The following DNAI4 variants were observed in gnomAD, a reference collection of about 807,000 sequenced individuals.
DNAI4 encodes dynein axonemal intermediate chain 4, also known as WD repeat domain 78.
A neutral mutation model predicts 105.8 loss-of-function variants in DNAI4; 85 were observed. The ratio of observed to expected loss-of-function variants is 0.80; its 90% CI spans 0.67 to 0.96. The LOEUF (loss-of-function observed/expected upper bound fraction) is 0.96, where lower values mean the gene tolerates loss of function less well. Ranked by LOEUF, DNAI4 falls within the 40% of genes least tolerant of loss-of-function variation. The probability of loss-of-function intolerance (pLI) is 0.00; values close to 1 mark genes in which losing one functional copy is unlikely to be tolerated. For missense variants in DNAI4, 1,014 were observed against 1,005.6 expected (o/e 1.01, Z -0.11); for synonymous variants, 352 against 331.5 (o/e 1.06, Z -0.67).
chr1:66,847,549 C>A lies in DNAI4; in HGVS notation c.1226G>T (p.Arg409Leu). Residue 409 changes from arginine to leucine, a missense_variant, in exon 8 of 17, where the codon CGG (arginine) becomes CTG (leucine). Arg to Leu is a moderately radical substitution (Grantham distance 102, BLOSUM62 -2). Coordinates refer to ENST00000371026, the MANE Select transcript of DNAI4 (RefSeq NM_024763.5). ...KFHQDLFFME[R>L]VLMENIFQPK... ...CTGAAATATATTTTCCATCAGAACC[C>A]GTTCCATAAAAAATAAGTCCTGATG... The A allele has an allele frequency of 6.2e-7, 1 of 1,613,846 alleles. No homozygotes were observed. The highest frequency in any genetic ancestry group is 8.5e-7 in the Non-Finnish European group (1 of 1,179,916).
chr1:66,857,865 C>T (rs1000817618), intron 7 of DNAI4, among the ~76,000 whole-genome samples: 2 of 151,946 alleles, frequency 1.3e-5, no homozygotes, highest in African/African-American at 4.8e-5. Flanking sequence ...GGATTACAGG[C>T]GTGAGCCACC....
At chr1:66,873,835 T>C (rs559451493) in intron 5 of DNAI4, among the ~76,000 whole-genome samples, 1 of 151,496 alleles carries the variant, frequency 6.6e-6, no homozygotes, top group South Asian at 2.1e-4. Context: ...TCTGTCCCTT[T>C]CTTTTTTCCC....
At chr1:66,818,462 A>G (rs1338997735) in intron 16 of DNAI4, among the ~76,000 whole-genome samples, 1 of 152,146 alleles carries the variant, frequency 6.6e-6, no homozygotes, top group Non-Finnish European at 1.5e-5. Flanking sequence ...AATCTGCTAG[A>G]CTTAAAAAGA....
Position 66,862,192 on chromosome 1 carries a change from G to A in DNAI4, c.1051C>T (p.Pro351Ser). ...GGCAATCTTTGGTCCTGATCTTTAG[G>A]AAGTACATTTGCTTTACTACTTGAC... ...VESSSKANVL[P>S]KDQDQRLPGS... is the part of the protein sequence containing the mutation. Residue 351 changes from proline to serine, a missense_variant, in exon 7 of 17, where the codon CCT becomes TCT. Pro to Ser is a moderately conservative substitution (Grantham distance 74). Coordinates refer to ENST00000371026, the MANE Select transcript of DNAI4 (RefSeq NM_024763.5). 1 of 1,603,914 alleles carries A rather than the reference G, an allele frequency of 6.2e-7. No homozygotes were observed. The highest frequency in any genetic ancestry group is 8.5e-7 in the Non-Finnish European group (1 of 1,176,540).
intron 4 of DNAI4, among the ~76,000 whole-genome samples, chr1:66,885,046 T>C (rs1257959456): frequency 6.6e-6 from 1 of 152,240 alleles, no homozygotes; most frequent in Non-Finnish European, 1.5e-5. Flanking sequence ...TTCATTTTCA[T>C]TGAGTTCAAA....
intron 13 of DNAI4, among the ~76,000 whole-genome samples, chr1:66,833,315 T>C (rs1329426216): frequency 6.6e-6 from 1 of 152,136 alleles, no homozygotes; most frequent in Non-Finnish European, 1.5e-5. Context: ...AGTTGTGCAA[T>C]CATCACCACA....
chr1:66,901,262 C>A (rs1016980643), intron 2 of DNAI4, among the ~76,000 whole-genome samples: 1 of 151,540 alleles, frequency 6.6e-6, no homozygotes, highest in Non-Finnish European at 1.5e-5. Flanking sequence ...GTTATTCACT[C>A]TTTTTTTTCA....
chr1:66,838,885 A>G (rs1185906146), intron 9 of DNAI4, among the ~76,000 whole-genome samples: 1 of 152,204 alleles, frequency 6.6e-6, no homozygotes, highest in African/African-American at 2.4e-5. Flanking sequence ...AAATTATTAT[A>G]TAGGCAGGGT....
At chr1:66,843,319 C>T (rs1315267496) in intron 8 of DNAI4, among the ~76,000 whole-genome samples, 1 of 151,662 alleles carries the variant, frequency 6.6e-6, no homozygotes, top group Non-Finnish European at 1.5e-5. Context: ...GCTACTTTGG[C>T]ATGTGTATAT....
intron 4 of DNAI4, among the ~76,000 whole-genome samples, chr1:66,878,197 C>A (rs1646997872): frequency 6.6e-6 from 1 of 152,110 alleles, no homozygotes; most frequent in Non-Finnish European, 1.5e-5. Flanking sequence ...TTACTATGAA[C>A]TCATGCGTAT....
chr1:66,835,806 T>C (rs1302184724), intron 10 of DNAI4, 29 bp from the exon 11 acceptor site: 1 of 1,608,380 alleles, frequency 6.2e-7, no homozygotes, highest in Admixed American at 1.7e-5. Flanking sequence ...CATTTTCAAT[T>C]TGTTTTTGTA....
At chr1:66,836,222 G>GAA (rs1260060946) in intron 10 of DNAI4, among the ~76,000 whole-genome samples, 38 of 110,052 alleles carry the variant, frequency 3.5e-4, no homozygotes, top group East Asian at 4.8e-4. Context: ...GAGAGAGAGA[G>GAA]AGAGAGAGAG....
intron 2 of DNAI4, among the ~76,000 whole-genome samples, chr1:66,904,703 T>C (rs1569855953): frequency 6.6e-6 from 1 of 152,264 alleles, no homozygotes; most frequent in East Asian, 1.9e-4. Flanking sequence ...ATGAATTTTA[T>C]CTTTTATGGA....
chr1:66,838,531 T>C (rs142621508), intron 9 of DNAI4, among the ~76,000 whole-genome samples: 1 of 152,354 alleles, frequency 6.6e-6, no homozygotes, highest in East Asian at 1.9e-4. Context: ...CAGCATGAGC[T>C]ACCTAATACA....
chr1:66,862,795 C>T (rs1156439250), intron 6 of DNAI4, among the ~76,000 whole-genome samples: 1 of 152,196 alleles, frequency 6.6e-6, no homozygotes, highest in Non-Finnish European at 1.5e-5. Context: ...CACTACCCCA[C>T]ACCTCTACAG....
chr1:66,882,564 T>C (rs577482355), intron 4 of DNAI4, among the ~76,000 whole-genome samples: 2 of 152,258 alleles, frequency 1.3e-5, no homozygotes, highest in African/African-American at 4.8e-5. Context: ...TCCATCAACA[T>C]TTATTGAAAA....
intron 5 of DNAI4, among the ~76,000 whole-genome samples, chr1:66,873,461 AG>A (rs151113985): frequency 0.074 from 11,304 of 152,132 alleles, 1,128 homozygotes; most frequent in East Asian, 0.43. Context: ...GCCATGTTGC[AG>A]GCTGGTACAA....
At chr1:66,857,903 A>G (rs1306377394) in intron 7 of DNAI4, among the ~76,000 whole-genome samples, 2 of 152,024 alleles carry the variant, frequency 1.3e-5, no homozygotes, top group Non-Finnish European at 2.9e-5. Context: ...CACAAAATGT[A>G]TAACTTAGAT....
chr1:66,824,763 T>A, intron 15 of DNAI4, among the ~76,000 whole-genome samples: 1 of 152,196 alleles, frequency 6.6e-6, no homozygotes, highest in Non-Finnish European at 1.5e-5. Flanking sequence ...TGATTTTGTA[T>A]CCTGAGAGTT....
Sources: gnomAD v4.1 joint callset for allele counts (sites outside exome capture counted in the v4.1 genomes callset) on GRCh38, gnomAD v4.1.1 for gene constraint, MANE v1.5 for transcripts, NCBI Gene and HGNC (gene_info 2026-07-23, HGNC 2026-07-21) for gene names.